Variants in PSMC2 observed in about 807,000 individuals in gnomAD.
PSMC2 encodes 26S proteasome regulatory subunit 7.
A neutral mutation model predicts 53.3 loss-of-function variants in PSMC2; 7 were observed. That is an observed-to-expected ratio of 0.13 (90% confidence interval 0.07 to 0.25). PSMC2 has a LOEUF of 0.25. Ranked by LOEUF, PSMC2 falls within the 10% of genes least tolerant of loss-of-function variation. PSMC2 has a pLI of 1.00. For missense variants in PSMC2, 241 were observed against 544.0 expected (o/e 0.44, Z 5.54); for synonymous variants, 169 against 183.9 (o/e 0.92, Z 0.66).
intron 4 of PSMC2, among the ~76,000 whole-genome samples, chr7:103,360,043 T>C (rs1422407586): frequency 6.6e-6 from 1 of 151,232 alleles, no homozygotes; most frequent in Non-Finnish European, 1.5e-5. Flanking sequence ...ATCGCGCCAC[T>C]GCACTCCAGC....
Position 103,355,211 on chromosome 7 carries a change from G to A in PSMC2, c.190+262G>A, listed in dbSNP as rs78366496. On this transcript the variant is annotated intron_variant, in intron 3 of 11. Transcript: ENST00000292644. ...TTTCTGTTGGTCAAAACCCAGTTCA[G>A]TAAACTTCAGTTAACAAGTCAAAAA... 3.8e-3 allele frequency among the ~76,000 whole-genome samples: 573 copies of A among 152,282 alleles called. 4 individuals are homozygous for A. Among genetic ancestry groups the A allele is most frequent in the African/African-American group, 0.014 (563 of 41,554 alleles).
intron 4 of PSMC2, among the ~76,000 whole-genome samples, chr7:103,358,862 T>A (rs1025719817): frequency 6.6e-6 from 1 of 152,170 alleles, no homozygotes; most frequent in East Asian, 1.9e-4. Context: ...CCTATACCCC[T>A]ACAAGATCCC....
intron 6 of PSMC2, 36 bp downstream of exon 6, chr7:103,362,794 CT>C (rs368268286): frequency 0.19 from 159,324 of 819,314 alleles, 4 homozygotes; most frequent in Middle Eastern, 0.21. Flanking sequence ...AAGGCTATGT[CT>C]TTTTTTTTTT....
At chr7:103,362,306 A>G in intron 5 of PSMC2, 1 of 1,380,244 alleles carries the variant, frequency 7.2e-7, no homozygotes, top group Non-Finnish European at 9.3e-7. Context: ...TTTATTATGA[A>G]TGGCTTCAAA....
At chr7:103,355,535 G>A (rs1819984807) in intron 3 of PSMC2, among the ~76,000 whole-genome samples, 159 bp from the exon 4 acceptor site, 1 of 149,658 alleles carries the variant, frequency 6.7e-6, no homozygotes, top group African/African-American at 2.4e-5. Flanking sequence ...GGCGTCTAGT[G>A]GTGAGAGGCC....
chr7:103,356,122 TC>T (rs1820018365), intron 4 of PSMC2, among the ~76,000 whole-genome samples: 1 of 152,138 alleles, frequency 6.6e-6, no homozygotes, highest in African/African-American at 2.4e-5. Flanking sequence ...CTGTGTATCT[TC>T]CTGTATTTGC....
Position 103,363,391 on chromosome 7 carries a change from G to C in PSMC2, c.543G>C (p.Lys181Asn), listed in dbSNP as rs775626147. Residue 181 changes from lysine to asparagine, a missense_variant, in exon 7 of 12, where the codon AAG (lysine) becomes AAC (asparagine). Around this residue, in one of 6 missense-constraint regions of PSMC2, gnomAD observed 75 missense variants for 185.1 expected, o/e 0.41. Coordinates refer to ENST00000292644, the MANE Select transcript of PSMC2 (RefSeq NM_002803.4). ...DVTYSDVGGCKEQIEKLREVV... is the reference protein window; with the variant it reads ...DVTYSDVGGCNEQIEKLREVV... ...CATACAGTGATGTTGGTGGCTGTAA[G>C]GAACAGATTGAGAAACTGCGAGAAG... 2.5e-6 allele frequency: 4 copies of C among 1,614,040 alleles called. No individual in the cohort carries two copies. Among genetic ancestry groups the C allele is most frequent in the Non-Finnish European group, 3.4e-6 (4 of 1,179,936 alleles).
At position 103,367,196 on chromosome 7, in the gene PSMC2, C is replaced by A. The variant is rs558315011; in HGVS notation, c.845-217C>A. 6.6e-6 allele frequency among the ~76,000 whole-genome samples: 1 copy of A among 152,228 alleles called. No homozygotes were observed. Among genetic ancestry groups the A allele is most frequent in the Admixed American group, 6.5e-5 (1 of 15,288 alleles). ...ACTGCCCCATAGGCAGTTTAAAAAA[C>A]GTTAAGTAAATCTGTGATGAATACT... On this transcript the variant is annotated intron_variant, in intron 9 of 11. Coordinates refer to ENST00000292644, the MANE Select transcript of PSMC2 (RefSeq NM_002803.4). This position sits in a 1 kb window ranked among gnomAD's most constrained non-coding sequence, Gnocchi z 6.1.
At chr7:103,362,363 T>C in intron 5 of PSMC2, 2 of 1,348,712 alleles carry the variant, frequency 1.5e-6, no homozygotes, top group Non-Finnish European at 1.9e-6. Context: ...ATGGTATAGG[T>C]TGGGGGAGTA....
At chr7:103,365,301 T>A (rs528863285) in intron 8 of PSMC2, among the ~76,000 whole-genome samples, 294 of 152,256 alleles carry the variant, frequency 1.9e-3, no homozygotes, top group Middle Eastern at 6.8e-3. Context: ...AAGATTAATT[T>A]GGTGGACTGG....
intron 4 of PSMC2, among the ~76,000 whole-genome samples, chr7:103,359,573 A>G (rs1021496008): frequency 2.0e-5 from 3 of 152,166 alleles, no homozygotes; most frequent in African/African-American, 7.2e-5. Context: ...TATCATCTAA[A>G]TGGAATCATA....
intron 4 of PSMC2, among the ~76,000 whole-genome samples, chr7:103,359,344 A>G (rs954256022): frequency 6.6e-6 from 1 of 151,852 alleles, no homozygotes; most frequent in African/African-American, 2.4e-5. Flanking sequence ...TAAAATTCAG[A>G]TATCATGAGG....
chr7:103,356,526 G>A (rs1043187672), intron 4 of PSMC2, among the ~76,000 whole-genome samples: 1 of 152,146 alleles, frequency 6.6e-6, no homozygotes, highest in African/African-American at 2.4e-5. Context: ...TTACACTTTT[G>A]CCATTTGAGG....
intron 1 of PSMC2, among the ~76,000 whole-genome samples, chr7:103,348,072 G>C (rs977423095): frequency 6.6e-6 from 1 of 152,152 alleles, no homozygotes; most frequent in African/African-American, 2.4e-5. Context: ...AGTTCTGCCT[G>C]GCGGTGCTCG....
rs1586179656 is a variant in PSMC2 at position 103,367,737 on chromosome 7, C to G, written c.1072C>G (p.His358Asp). The G allele has an allele frequency of 6.2e-7, 1 of 1,613,634 alleles. No individual in the cohort carries two copies. Among genetic ancestry groups the G allele is most frequent in the East Asian group, 2.2e-5 (1 of 44,894 alleles). The change falls in exon 11 of 12, where the codon CAC becomes GAC. Residue 358 changes from histidine (H) to aspartate (D), a missense_variant. Coordinates refer to ENST00000292644, the MANE Select transcript of PSMC2 (RefSeq NM_002803.4). The surrounding 1 kb of genome is among the most constrained non-coding windows in gnomAD (Gnocchi z 6.1). Reference sequence around the variant, plus strand: ...GGGTCGGACCCACATATTTAAGATTCACGCTCGTTCAATGAGTGTTGAAAG... The same window carrying G: ...GGGTCGGACCCACATATTTAAGATTGACGCTCGTTCAATGAGTGTTGAAAG... Reference protein sequence around the residue: ...LEGRTHIFKIHARSMSVERDI... With the variant: ...LEGRTHIFKIDARSMSVERDI...
chr7:103,362,794 C>CTTTT (rs368268286), intron 6 of PSMC2, 36 bp downstream of exon 6: 182 of 839,766 alleles, frequency 2.2e-4, no homozygotes, highest in African/African-American at 1.2e-3. Context: ...AAGGCTATGT[C>CTTTT]TTTTTTTTTT....
At chr7:103,354,293 G>GT (rs1490971071) in intron 2 of PSMC2, among the ~76,000 whole-genome samples, 6 of 151,402 alleles carry the variant, frequency 4.0e-5, no homozygotes, top group Non-Finnish European at 7.4e-5. Flanking sequence ...TATTTAACAA[G>GT]TATTACTGAA....
chr7:103,353,097 A>G (rs1819816565), intron 1 of PSMC2, among the ~76,000 whole-genome samples: 1 of 152,216 alleles, frequency 6.6e-6, no homozygotes. Context: ...AGAAAAGATT[A>G]ACTGTAAATC....
intron 1 of PSMC2, chr7:103,348,625 A>T: frequency 8.1e-7 from 1 of 1,234,576 alleles, no homozygotes; most frequent in South Asian, 1.2e-5. Flanking sequence ...GCTATGCTGG[A>T]GCCACCCGCG....
Sources: allele counts gnomAD v4.1 joint callset (sites outside exome capture counted in the v4.1 genomes callset), GRCh38; gene constraint gnomAD v4.1.1; regional missense constraint gnomAD v4.1.1; non-coding constraint Gnocchi (gnomAD v3.1); transcripts MANE v1.5; gene names NCBI Gene and HGNC (gene_info 2026-07-23, HGNC 2026-07-21).